Variants in PODXL2 observed in about 807,000 individuals in gnomAD.
PODXL2 encodes the protein podocalyxin-like protein 2.
A neutral mutation model predicts 53.4 loss-of-function variants in PODXL2; 17 were observed. The ratio of observed to expected loss-of-function variants is 0.32; its 90% CI spans 0.22 to 0.48. The LOEUF (loss-of-function observed/expected upper bound fraction) is 0.48. PODXL2 is among the 20% of genes least tolerant of loss of function. The pLI, the probability that PODXL2 is intolerant of heterozygous loss-of-function variation, is 0.99. For synonymous variants in PODXL2, 311 were observed against 306.7 expected (o/e 1.01, Z -0.15); for missense variants, 673 against 760.0 (o/e 0.89, Z 1.35).
chr3:127,669,843 C>A (rs1469354037), intron 6 of PODXL2, among the ~76,000 whole-genome samples: 1 of 152,152 alleles, frequency 6.6e-6, no homozygotes, highest in East Asian at 1.9e-4. Flanking sequence ...ATGGCAGGGT[C>A]CCCCAGTCCT....
At position 127,668,520 on chromosome 3, in the gene PODXL2, A is replaced by G. The variant is rs753767619; in HGVS notation, c.1286A>G (p.His429Arg). 3.7e-5 allele frequency: 59 copies of G among 1,580,622 alleles called. 1 individual carries two copies. In the South Asian group the frequency reaches 5.8e-4, roughly 15 times the overall value. ...CTGCCCCGCCATGGCAGTGGCCACC[A>G]TGGGGCCTGGCACATCTCTCTGAGC... is the stretch of plus-strand genomic sequence containing the variant. ...EVLPRHGSGHHGAWHISLSKP... is the reference protein window; with the variant it reads ...EVLPRHGSGHRGAWHISLSKP... Residue 429 changes from histidine (H) to arginine (R), a missense_variant, in exon 5 of 8, where the codon CAT becomes CGT. By Grantham distance (29) the His-to-Arg change is conservative. Around this residue, in one of 3 missense-constraint regions of PODXL2, gnomAD observed 588 missense variants for 668.3 expected, o/e 0.88. Transcript: ENST00000342480.
chr3:127,668,056 C>T (rs2074804979), intron 4 of PODXL2, among the ~76,000 whole-genome samples: 1 of 152,022 alleles, frequency 6.6e-6, no homozygotes, highest in Non-Finnish European at 1.5e-5. Context: ...ATAGGCCTTA[C>T]CACTCTGTGT....
At chr3:127,647,332 A>C (rs2074662822) in intron 2 of PODXL2, among the ~76,000 whole-genome samples, 1 of 152,228 alleles carries the variant, frequency 6.6e-6, no homozygotes, top group South Asian at 2.1e-4. Context: ...GTTAATGATT[A>C]GGAGCAGTCT....
chr3:127,662,223 G>A lies in PODXL2; in HGVS notation c.1132-14G>A, dbSNP rs2074772504. 1.9e-6 allele frequency: 3 copies of A among 1,611,404 alleles called. No individual in the cohort carries two copies. Among genetic ancestry groups the A allele is most frequent in the African/African-American group, 1.3e-5 (1 of 74,830 alleles). On this transcript the variant is annotated splice_polypyrimidine_tract_variant and intron_variant, in intron 3 of 7. Coordinates refer to ENST00000342480, the MANE Select transcript of PODXL2 (RefSeq NM_015720.4). ...CTTCGTAACTGTCGCCCTTCTTTCT[G>A]TCTCCTCGCACAGGTGATCTGCAAG...
At chr3:127,659,605 A>G (rs2074749969) in intron 2 of PODXL2, among the ~76,000 whole-genome samples, 2 of 152,244 alleles carry the variant, frequency 1.3e-5, no homozygotes. Context: ...TATAACTTTC[A>G]TGCATAGTTA....
intron 1 of PODXL2, among the ~76,000 whole-genome samples, chr3:127,632,427 C>A (rs1472759547): frequency 1.3e-5 from 2 of 152,204 alleles, no homozygotes; most frequent in African/African-American, 2.4e-5. Flanking sequence ...ACTTTTCTAA[C>A]AAGGCTGAAG....
At chr3:127,662,384 C>A in intron 4 of PODXL2, 73 bp downstream of exon 4, 1 of 1,222,994 alleles carries the variant, frequency 8.2e-7, no homozygotes, top group Non-Finnish European at 1.2e-6. Flanking sequence ...AGAGGGCAGG[C>A]TGGGGGGACA....
chr3:127,639,561 A>G (rs2074601222), intron 2 of PODXL2, 38 bp downstream of exon 2: 2 of 1,559,846 alleles, frequency 1.3e-6, no homozygotes, highest in African/African-American at 1.4e-5. Context: ...GTTGAGTGCC[A>G]GCCAAGTGTC....
chr3:127,645,277 C>T (rs148186755), intron 2 of PODXL2, among the ~76,000 whole-genome samples: 3 of 152,316 alleles, frequency 2.0e-5, no homozygotes, highest in South Asian at 2.1e-4. Flanking sequence ...TGTAATGGAG[C>T]TGGATCTAGA....
intron 6 of PODXL2, among the ~76,000 whole-genome samples, chr3:127,669,798 C>T (rs2074820328): frequency 6.6e-6 from 1 of 152,200 alleles, no homozygotes; most frequent in African/African-American, 2.4e-5. Flanking sequence ...CCCGATCAAC[C>T]TCTCCTACCC....
At position 127,639,495 on chromosome 3, in the gene PODXL2, C is replaced by T. The variant is rs1453229838; in HGVS notation, c.321C>T (p.Asp107=). The part of the protein sequence containing the change: ...YFWEEEEELN[D]SSLDLGPTAD... Reference sequence around the variant, plus strand: ...GGGAAGAGGAGGAAGAGCTGAATGACTCAAGTCTGGACCTGGGACCCACTG... The same window carrying T: ...GGGAAGAGGAGGAAGAGCTGAATGATTCAAGTCTGGACCTGGGACCCACTG... Residue 107 remains aspartate, a synonymous_variant, in exon 2 of 8, where the codon GAC becomes GAT. Transcript: ENST00000342480. 3.7e-6 allele frequency: 6 copies of T among 1,613,888 alleles called. No individual in the cohort carries two copies. The highest frequency in any genetic ancestry group is 5.1e-6 in the Non-Finnish European group (6 of 1,179,900).
chr3:127,670,303 G>A (rs1288942823), intron 6 of PODXL2, among the ~76,000 whole-genome samples: 1 of 152,214 alleles, frequency 6.6e-6, no homozygotes, highest in Non-Finnish European at 1.5e-5. Context: ...TTTGCAGGAA[G>A]CCTGATTCCG....
In PODXL2 at chr3:127,629,354, TC is replaced by T; in HGVS notation, c.70+69del. 3 of 996,384 alleles carry T rather than the reference TC, an allele frequency of 3.0e-6. No individual in the cohort carries two copies. Among genetic ancestry groups the T allele is most frequent in the Admixed American group, 6.1e-5 (1 of 16,332 alleles). 61.7% of individuals were successfully genotyped at this position (996,384 alleles called of 1,614,324 possible). A position where few individuals can be genotyped will look rare whatever the true frequency, so the allele number is the denominator to read the frequency against. ...CGGCGTGGGCGCGGTGCTGGACAGCTCCCCGGGCCGCCAACAAAGGGGCCAG... is the reference window on the plus strand; with the variant it reads ...CGGCGTGGGCGCGGTGCTGGACAGCTCCCGGGCCGCCAACAAAGGGGCCAG... On this transcript the variant is annotated intron_variant, in intron 1 of 7. Coordinates refer to ENST00000342480, the MANE Select transcript of PODXL2 (RefSeq NM_015720.4). The surrounding 1 kb of genome is among the most constrained non-coding windows in gnomAD (Gnocchi z 6.4).
intron 7 of PODXL2, 138 bp from the exon 8 acceptor site, chr3:127,672,130 A>T: frequency 1.6e-6 from 1 of 644,680 alleles, no homozygotes; most frequent in Non-Finnish European, 2.7e-6. Flanking sequence ...GTTGAGCTGC[A>T]GCAACAGAAA....
At chr3:127,636,534 C>T (rs1198997864) in intron 1 of PODXL2, among the ~76,000 whole-genome samples, 1 of 152,232 alleles carries the variant, frequency 6.6e-6, no homozygotes, top group Admixed American at 6.5e-5. Context: ...TCAAAGAAAC[C>T]ACAAAATATG....
At chr3:127,655,783 C>T (rs1297693260) in intron 2 of PODXL2, among the ~76,000 whole-genome samples, 1 of 152,192 alleles carries the variant, frequency 6.6e-6, no homozygotes, top group Non-Finnish European at 1.5e-5. Flanking sequence ...TGGAAAAAAG[C>T]GAGGAGCTCT....
chr3:127,639,223 T>A (rs773931482), intron 1 of PODXL2, 22 bp from the exon 2 acceptor site: 32 of 1,563,436 alleles, frequency 2.0e-5, no homozygotes, highest in Non-Finnish European at 2.6e-5. Context: ...CCCCTGACTG[T>A]CTGGCTTTTA....
Position 127,660,602 on chromosome 3 carries a change from G to C in PODXL2, c.574G>C (p.Val192Leu). The C allele has an allele frequency of 1.2e-6, 2 of 1,614,156 alleles. No homozygotes were observed. Among genetic ancestry groups the C allele is most frequent in the Non-Finnish European group, 1.7e-6 (2 of 1,180,016 alleles). The change falls in exon 3 of 8, where the codon GTG becomes CTG. Residue 192 changes from valine to leucine, a missense_variant. Transcript: ENST00000342480. Reference sequence around the variant, plus strand: ...GGAGGAAGAGGAGGAGCTGCTCCCTGTGAATGGATCCCAAGAAGAAGCCAA... The same window carrying C: ...GGAGGAAGAGGAGGAGCTGCTCCCTCTGAATGGATCCCAAGAAGAAGCCAA... ...EEEEEEELLPVNGSQEEAKPQ... is the reference protein window; with the variant it reads ...EEEEEEELLPLNGSQEEAKPQ...
intron 2 of PODXL2, among the ~76,000 whole-genome samples, chr3:127,645,402 T>C (rs1176453523): frequency 6.6e-6 from 1 of 152,228 alleles, no homozygotes; most frequent in African/African-American, 2.4e-5. Flanking sequence ...CTAGTGGATA[T>C]GTATTCGTCC....
Sources: allele counts gnomAD v4.1 joint callset (sites outside exome capture counted in the v4.1 genomes callset), GRCh38; gene constraint gnomAD v4.1.1; regional missense constraint gnomAD v4.1.1; non-coding constraint Gnocchi (gnomAD v3.1); transcripts MANE v1.5; gene names NCBI Gene and HGNC (gene_info 2026-07-23, HGNC 2026-07-21).